The following GREB1L variants were observed in gnomAD, a reference collection of about 807,000 sequenced individuals.
The protein encoded by GREB1L is GREB1-like protein.
Under a neutral mutation model 200.8 loss-of-function variants are expected in GREB1L, and 17 were observed. That is an observed-to-expected ratio of 0.08 (90% CI 0.06 to 0.13). The LOEUF (loss-of-function observed/expected upper bound fraction) is 0.13. Among genes scored for constraint, GREB1L ranks in the 10% least tolerant of loss-of-function variants. GREB1L has a pLI of 1.00. For synonymous variants in GREB1L, 789 were observed against 893.0 expected (o/e 0.88, Z 2.08); for missense variants, 1,657 against 2,367.7 (o/e 0.70, Z 6.23).
chr18:21,306,665 G>A (rs1397192449), intron 1 of GREB1L, among the ~76,000 whole-genome samples: 3 of 152,190 alleles, frequency 2.0e-5, no homozygotes, highest in African/African-American at 4.8e-5. Context: ...TGCAGACTCA[G>A]TGTGGTAAAC....
At chr18:21,379,028 C>A (rs183992520) in intron 2 of GREB1L, among the ~76,000 whole-genome samples, 1 of 152,142 alleles carries the variant, frequency 6.6e-6, no homozygotes, top group East Asian at 1.9e-4. Context: ...AGCCACCAGG[C>A]CCAGCCTGAT....
chr18:21,367,445 C>T (rs1226460368), intron 2 of GREB1L, among the ~76,000 whole-genome samples: 1 of 152,060 alleles, frequency 6.6e-6, no homozygotes, highest in Non-Finnish European at 1.5e-5. Flanking sequence ...TTCCTTGGAG[C>T]AGAAAGCGGT....
At chr18:21,257,664 G>A (rs1437872766) in intron 1 of GREB1L, among the ~76,000 whole-genome samples, 1 of 152,146 alleles carries the variant, frequency 6.6e-6, no homozygotes, top group South Asian at 2.1e-4. Context: ...TGGCATAGTT[G>A]CATATCTGGA....
chr18:21,374,873 C>T (rs2040010194), intron 2 of GREB1L, among the ~76,000 whole-genome samples: 1 of 131,822 alleles, frequency 7.6e-6, no homozygotes, highest in African/African-American at 2.9e-5. Context: ...TTTTTTTCCA[C>T]ACAGGGTCTC....
intron 15 of GREB1L, among the ~76,000 whole-genome samples, chr18:21,466,405 G>A (rs1461681832): frequency 1.3e-5 from 2 of 151,862 alleles, no homozygotes; most frequent in African/African-American, 4.8e-5. Context: ...TTTGGTATGC[G>A]CATACCTCCT....
chr18:21,441,605 GT>G, intron 10 of GREB1L, 68 bp downstream of exon 10: 2 of 1,358,494 alleles, frequency 1.5e-6, no homozygotes, highest in Admixed American at 2.4e-5. Flanking sequence ...ATTTCATTGT[GT>G]TTTTTCATGT....
chr18:21,492,322 G>T (rs2036374607), intron 19 of GREB1L, among the ~76,000 whole-genome samples: 2 of 151,738 alleles, frequency 1.3e-5, no homozygotes, highest in African/African-American at 4.8e-5. Flanking sequence ...CTCCAGCCTG[G>T]GCGACAGAGC....
intron 19 of GREB1L, among the ~76,000 whole-genome samples, chr18:21,494,404 G>A (rs772604389): frequency 1.3e-5 from 2 of 152,116 alleles, no homozygotes; most frequent in Non-Finnish European, 2.9e-5. Context: ...TCTTTATTGA[G>A]CCTTTTCTTT....
At chr18:21,356,689 A>G (rs1280738731) in intron 1 of GREB1L, among the ~76,000 whole-genome samples, 1 of 152,196 alleles carries the variant, frequency 6.6e-6, no homozygotes, top group Non-Finnish European at 1.5e-5. Flanking sequence ...ATACATACCC[A>G]GTAGTGGAAT....
At chr18:21,313,939 T>A (rs2038829535) in intron 1 of GREB1L, among the ~76,000 whole-genome samples, 1 of 152,124 alleles carries the variant, frequency 6.6e-6, no homozygotes. Context: ...TTTGTATGGG[T>A]TTTTTCCCTC....
At chr18:21,411,620 C>T (rs2031023422) in intron 7 of GREB1L, among the ~76,000 whole-genome samples, 1 of 152,184 alleles carries the variant, frequency 6.6e-6, no homozygotes, top group South Asian at 2.1e-4. Flanking sequence ...AGAAAATGTG[C>T]ATATCCTCTG....
chr18:21,365,796 C>CT (rs2039664647), intron 1 of GREB1L, among the ~76,000 whole-genome samples: 1 of 151,946 alleles, frequency 6.6e-6, no homozygotes, highest in South Asian at 2.1e-4. Context: ...CAGAAATTAT[C>CT]TTTGAGTATA....
At chr18:21,317,329 A>T (rs1486203681) in intron 1 of GREB1L, 1 of 152,002 alleles carries the variant, frequency 6.6e-6, no homozygotes, top group Non-Finnish European at 1.5e-5. Context: ...GGCCTGGCGC[A>T]GTAGCTCACA....
At chr18:21,400,757 G>A (rs1204027201) in intron 5 of GREB1L, among the ~76,000 whole-genome samples, 1 of 152,210 alleles carries the variant, frequency 6.6e-6, no homozygotes, top group African/African-American at 2.4e-5. Context: ...AGAGAGGGCA[G>A]AGAACCAGGG....
intron 1 of GREB1L, among the ~76,000 whole-genome samples, chr18:21,268,524 C>T (rs111332985): frequency 0.14 from 10,235 of 72,346 alleles, 1,331 homozygotes; most frequent in African/African-American, 0.41. Flanking sequence ...TATATATATA[C>T]ACACACACAC....
intron 19 of GREB1L, among the ~76,000 whole-genome samples, chr18:21,490,784 G>A (rs1174486635): frequency 6.6e-6 from 1 of 152,196 alleles, no homozygotes; most frequent in Non-Finnish European, 1.5e-5. Context: ...GTGAGCTCAT[G>A]TCTAGAGTCG....
intron 1 of GREB1L, among the ~76,000 whole-genome samples, chr18:21,261,549 T>C (rs953469275): frequency 7.9e-5 from 12 of 152,112 alleles, no homozygotes; most frequent in Non-Finnish European, 1.5e-4. Flanking sequence ...AGTCATTTCA[T>C]TACCAGCCTG....
At chr18:21,290,054 A>T (rs1295215282) in intron 1 of GREB1L, among the ~76,000 whole-genome samples, 3 of 152,222 alleles carry the variant, frequency 2.0e-5, no homozygotes, top group Non-Finnish European at 2.9e-5. Flanking sequence ...GTGATTGCTG[A>T]CAAATGCTAT....
intron 27 of GREB1L, among the ~76,000 whole-genome samples, chr18:21,512,085 A>C (rs1035644055): frequency 6.6e-6 from 1 of 152,194 alleles, no homozygotes; most frequent in African/African-American, 2.4e-5. Flanking sequence ...CACTGTTTTC[A>C]TTACTATAGC....
Sources: allele counts gnomAD v4.1 joint callset (sites outside exome capture counted in the v4.1 genomes callset), GRCh38; gene constraint gnomAD v4.1.1; transcripts MANE v1.5; gene names NCBI Gene and HGNC (gene_info 2026-07-23, HGNC 2026-07-21).